Variants in PSMD14 observed in about 807,000 individuals in gnomAD.
The protein encoded by PSMD14 is ubiquitin C-terminal hydrolase PSMD14.
PSMD14 carries 7 observed loss-of-function variants against 41.2 expected under a neutral mutation model. The observed-to-expected ratio is 0.17, with a 90% CI of 0.10 to 0.32. The LOEUF (loss-of-function observed/expected upper bound fraction) is 0.32, where lower values mean the gene tolerates loss of function less well. Ranked by LOEUF, PSMD14 falls within the 10% of genes least tolerant of loss-of-function variation. The pLI is 1.00. For missense variants in PSMD14, 139 were observed against 375.6 expected (o/e 0.37, Z 5.21); for synonymous variants, 114 against 122.3 (o/e 0.93, Z 0.45).
chr2:161,370,890 A>C (rs1015908648), intron 6 of PSMD14, among the ~76,000 whole-genome samples: 1 of 152,168 alleles, frequency 6.6e-6, no homozygotes, highest in African/African-American at 2.4e-5. Flanking sequence ...AAGGGTAAAA[A>C]CTGGCTCTGA....
At position 161,411,216 on chromosome 2, in the gene PSMD14, T is replaced by C. The variant is rs1036807855; in HGVS notation, c.835-86T>C. ...AGTAAGGTCTGGCTTTCTTTACTAG[T>C]TTCATCAGCTACTGAAAAAAATTTA... On this transcript the variant is annotated intron_variant, in intron 11 of 11. Transcript: ENST00000409682. 9 of 731,382 alleles carry C rather than the reference T, an allele frequency of 1.2e-5. No individual in the cohort carries two copies. In the East Asian group the frequency reaches 2.7e-4, roughly 22 times the overall value. The allele number at this position is 731,382 out of a possible 1,614,324, so 45.3% of individuals were successfully genotyped here. A position where few individuals can be genotyped will look rare whatever the true frequency, so the allele number is the denominator to read the frequency against.
chr2:161,407,125 T>G (rs1683958251), intron 10 of PSMD14, among the ~76,000 whole-genome samples: 1 of 152,160 alleles, frequency 6.6e-6, no homozygotes, highest in Non-Finnish European at 1.5e-5. Flanking sequence ...CAAACTTATG[T>G]GAATTGTTCC....
Position 161,395,069 on chromosome 2 carries a change from A to AT in PSMD14, c.646-3dup, listed in dbSNP as rs1683774353. 29 of 1,556,818 alleles carry AT rather than the reference A, an allele frequency of 1.9e-5. No homozygotes were observed. The East Asian group carries it at 6.6e-4, about 35-fold the overall frequency. On this transcript the variant is annotated splice_polypyrimidine_tract_variant and intron_variant, in intron 9 of 11. Transcript: ENST00000409682. ...CAGAAAAAGAATTACTTTTTCTTTT[A>AT]TTTTTTAGATGTTGCTAAATTTGCA...
intron 3 of PSMD14, among the ~76,000 whole-genome samples, chr2:161,326,246 G>T (rs1674985387): frequency 6.6e-6 from 1 of 152,060 alleles, no homozygotes; most frequent in African/African-American, 2.4e-5. Context: ...GGCCGGGCTG[G>T]TCTCGAACTT....
intron 3 of PSMD14, chr2:161,340,892 G>A (rs1025586836): frequency 1.2e-6 from 2 of 1,613,682 alleles, no homozygotes; most frequent in Non-Finnish European, 8.5e-7. Context: ...TCAGCTTCCC[G>A]GGGCTGTATT....
At chr2:161,396,342 G>A (rs992057234) in intron 10 of PSMD14, among the ~76,000 whole-genome samples, 17 of 152,106 alleles carry the variant, frequency 1.1e-4, no homozygotes, top group Non-Finnish European at 1.8e-4. Context: ...GTTTATTGGA[G>A]CATTATTCAT....
At chr2:161,407,357 GTTA>G (rs1178198982) in intron 10 of PSMD14, among the ~76,000 whole-genome samples, 3 of 152,068 alleles carry the variant, frequency 2.0e-5, no homozygotes, top group Admixed American at 2.0e-4. Flanking sequence ...GATTTGGCAT[GTTA>G]TTAACTTTTT....
At chr2:161,345,390 A>C (rs945370323) in intron 3 of PSMD14, among the ~76,000 whole-genome samples, 4 of 151,412 alleles carry the variant, frequency 2.6e-5, no homozygotes, top group African/African-American at 7.3e-5. Context: ...CCACAGGTGC[A>C]TGCCACTATG....
At chr2:161,315,962 C>T (rs555025645) in intron 1 of PSMD14, among the ~76,000 whole-genome samples, 1 of 151,682 alleles carries the variant, frequency 6.6e-6, no homozygotes, top group South Asian at 2.1e-4. Flanking sequence ...CTGCCTCAGC[C>T]ACCTGAGTAG....
At chr2:161,346,612 T>G (rs1683047184) in intron 3 of PSMD14, among the ~76,000 whole-genome samples, 1 of 150,318 alleles carries the variant, frequency 6.7e-6, no homozygotes, top group Admixed American at 6.7e-5. Flanking sequence ...ATTCTTGATA[T>G]TTGTTATGGG....
intron 1 of PSMD14, among the ~76,000 whole-genome samples, chr2:161,313,900 A>C (rs1256431178): frequency 6.6e-6 from 1 of 152,162 alleles, no homozygotes; most frequent in Non-Finnish European, 1.5e-5. Context: ...GCATCACATA[A>C]AATTTACTAT....
At chr2:161,359,047 C>T (rs1683251133) in intron 3 of PSMD14, among the ~76,000 whole-genome samples, 1 of 152,192 alleles carries the variant, frequency 6.6e-6, no homozygotes, top group South Asian at 2.1e-4. Context: ...CAGCTCACTA[C>T]AGCCCCAGCC....
chr2:161,347,736 A>T (rs1031173328), intron 3 of PSMD14, among the ~76,000 whole-genome samples: 2 of 152,228 alleles, frequency 1.3e-5, no homozygotes, highest in African/African-American at 4.8e-5. Context: ...ATTCATTTTC[A>T]TCTAAAAACA....
At chr2:161,354,016 A>G (rs1683156287) in intron 3 of PSMD14, among the ~76,000 whole-genome samples, 1 of 152,224 alleles carries the variant, frequency 6.6e-6, no homozygotes. Context: ...ATAGTACCAT[A>G]GCTGAACAGT....
chr2:161,392,449 C>T (rs1683724975), intron 9 of PSMD14, among the ~76,000 whole-genome samples: 1 of 152,148 alleles, frequency 6.6e-6, no homozygotes, highest in Non-Finnish European at 1.5e-5. Context: ...GTTGGGCTCT[C>T]CACGCTTACC....
chr2:161,334,498 A>G (rs1559040773), intron 3 of PSMD14, among the ~76,000 whole-genome samples: 1 of 152,232 alleles, frequency 6.6e-6, no homozygotes, highest in Non-Finnish European at 1.5e-5. Context: ...AGGTGAGGAA[A>G]TTGAGGCATG....
At chr2:161,326,184 C>A (rs543616866) in intron 3 of PSMD14, among the ~76,000 whole-genome samples, 1 of 152,120 alleles carries the variant, frequency 6.6e-6, no homozygotes, top group Non-Finnish European at 1.5e-5. Context: ...GTGCCCACCA[C>A]CACGCCCGGC....
chr2:161,387,182 T>G lies in PSMD14; in HGVS notation c.570+1611T>G, dbSNP rs143015561. Among the ~76,000 whole-genome samples the G allele has an allele frequency of 8.5e-5, 13 of 152,048 alleles. No individual in the cohort carries two copies. The East Asian group carries it at 2.5e-3, about 29-fold the overall frequency. The stretch of plus-strand genomic sequence containing the variant: ...GGGTGCTCTACAGTTTTAAGACAAT[T>G]TCAATACTAAAACACACAAATGAGA... On this transcript the variant is annotated intron_variant, in intron 8 of 11. Coordinates refer to ENST00000409682, the MANE Select transcript of PSMD14 (RefSeq NM_005805.6).
At chr2:161,333,279 A>G (rs1429247108) in intron 3 of PSMD14, among the ~76,000 whole-genome samples, 1 of 152,202 alleles carries the variant, frequency 6.6e-6, no homozygotes, top group Non-Finnish European at 1.5e-5. Flanking sequence ...GCATGTGATT[A>G]GATGTTAGAG....
Sources: allele counts gnomAD v4.1 joint callset (sites outside exome capture counted in the v4.1 genomes callset), GRCh38; gene constraint gnomAD v4.1.1; transcripts MANE v1.5; gene names NCBI Gene and HGNC (gene_info 2026-07-23, HGNC 2026-07-21).